Variants in MTO1 observed in about 807,000 individuals in gnomAD.
MTO1 encodes the protein mitochondrial tRNA translation optimization 1, also known as 5-taurinomethyluridine-[tRNA] synthase subunit MTO1, mitochondrial.
Under a neutral mutation model 71.6 loss-of-function variants are expected in MTO1, and 46 were observed. That is an observed-to-expected ratio of 0.64 (90% CI 0.51 to 0.82). The LOEUF is 0.82. Ranked by LOEUF, MTO1 falls within the 40% of genes least tolerant of loss-of-function variation. MTO1 has a pLI of 0.00. For missense variants in MTO1, 773 were observed against 867.5 expected, an observed-to-expected ratio of 0.89 and a Z score of 1.37; for synonymous variants, 297 against 312.1, an observed-to-expected ratio of 0.95 and a Z score of 0.51.
intron 9 of MTO1, among the ~76,000 whole-genome samples, chr6:73,488,135 G>C (rs949369078): frequency 6.6e-6 from 1 of 152,078 alleles, no homozygotes; most frequent in African/African-American, 2.4e-5. Flanking sequence ...CATTGGAGAA[G>C]TATCTATTCA....
At chr6:73,488,491 T>C (rs1771717110) in intron 9 of MTO1, among the ~76,000 whole-genome samples, 1 of 152,280 alleles carries the variant, frequency 6.6e-6, no homozygotes, top group South Asian at 2.1e-4. Flanking sequence ...TATTGTTGAA[T>C]TGTAGTTCTT....
Position 73,500,935 on chromosome 6 carries a change from CTTTCTT to C in MTO1, c.*202_*207del, listed in dbSNP as rs778251010. 4 of 402,736 alleles carry C rather than the reference CTTTCTT, an allele frequency of 9.9e-6. No individual in the cohort carries two copies. The highest frequency in any genetic ancestry group is 6.5e-4 in the Middle Eastern group (1 of 1,534). The allele number at this position is 402,736 out of a possible 1,614,324, so 24.9% of individuals were successfully genotyped here. A position where few individuals can be genotyped will look rare whatever the true frequency, so the allele number is the denominator to read the frequency against. On this transcript the variant is annotated 3_prime_UTR_variant, in exon 12 of 12. Coordinates refer to ENST00000498286, the MANE Select transcript of MTO1 (RefSeq NM_012123.4). ...AAACTAGTCGTAAACAATTTGTACT[CTTTCTT>C]TAAGGAGCTGTAATACAAATAACTT...
intron 3 of MTO1, among the ~76,000 whole-genome samples, chr6:73,468,508 T>A (rs924768651): frequency 2.0e-5 from 3 of 152,134 alleles, no homozygotes; most frequent in African/African-American, 7.2e-5. Context: ...TTTTGGTTGA[T>A]AGTATTTACA....
intron 4 of MTO1, among the ~76,000 whole-genome samples, chr6:73,477,138 A>G (rs1192973178): frequency 6.6e-6 from 1 of 151,190 alleles, no homozygotes; most frequent in African/African-American, 2.4e-5. Flanking sequence ...GCTCATGCCT[A>G]TAATCCTAGC....
rs372995487 is a variant in MTO1 at position 73,503,711 on chromosome 6, C to T, written c.*2976C>T. ...CAGGTATTTTTTCAATTCAATTCAACAGGAACACCAAAAAATAAGAAATGA... is the reference window on the plus strand; with the variant it reads ...CAGGTATTTTTTCAATTCAATTCAATAGGAACACCAAAAAATAAGAAATGA... On this transcript the variant is annotated 3_prime_UTR_variant, in exon 12 of 12. Transcript: ENST00000498286. 2 of 152,254 alleles carry T rather than the reference C, an allele frequency of 1.3e-5. No homozygotes were observed. The highest frequency in any genetic ancestry group is 4.8e-5 in the African/African-American group (2 of 41,548). The allele number at this position is 152,254 out of a possible 1,614,324, so 9.4% of individuals were successfully genotyped here. A position where few individuals can be genotyped will look rare whatever the true frequency, so the allele number is the denominator to read the frequency against.
At chr6:73,484,219 C>T (rs1279896655) in intron 9 of MTO1, among the ~76,000 whole-genome samples, 1 of 152,168 alleles carries the variant, frequency 6.6e-6, no homozygotes, top group Non-Finnish European at 1.5e-5. Context: ...AAATGACAGC[C>T]TTATTCACAA....
Position 73,466,311 on chromosome 6 carries a change from C to G in MTO1, c.320C>G (p.Ser107Cys). The G allele has an allele frequency of 6.2e-7, 1 of 1,614,078 alleles. No homozygotes were observed. Among genetic ancestry groups the G allele is most frequent in the Non-Finnish European group, 8.5e-7 (1 of 1,180,006 alleles). Residue 107 changes from serine (S) to cysteine (C), a missense_variant, in exon 2 of 12, where the codon TCT becomes TGT. Transcript: ENST00000498286. ...DGLCSRICDQ[S>C]GVHYKVLNRR... ...CTGTGTTCTCGCATCTGTGACCAGTCTGGTGTACATTATAAAGTATTAAAC... is the reference window on the plus strand; with the variant it reads ...CTGTGTTCTCGCATCTGTGACCAGTGTGGTGTACATTATAAAGTATTAAAC...
chr6:73,477,142 T>C (rs1249719891), intron 4 of MTO1, among the ~76,000 whole-genome samples: 2 of 149,874 alleles, frequency 1.3e-5, no homozygotes, highest in African/African-American at 2.4e-5. Context: ...ATGCCTATAA[T>C]CCTAGCACTT....
chr6:73,490,097 G>A (rs1277383780), intron 9 of MTO1, among the ~76,000 whole-genome samples: 1 of 152,182 alleles, frequency 6.6e-6, no homozygotes, highest in Non-Finnish European at 1.5e-5. Context: ...CTTTTGAGAA[G>A]TGTGTGTTCA....
chr6:73,478,573 C>G (rs1012777114), intron 4 of MTO1, among the ~76,000 whole-genome samples: 17 of 152,142 alleles, frequency 1.1e-4, no homozygotes, highest in Non-Finnish European at 2.1e-4. Flanking sequence ...CAGAGTCTTG[C>G]CCAGGCTAGA....
At chr6:73,473,331 G>A (rs1272909779) in intron 3 of MTO1, 34 bp from the exon 4 acceptor site, 10 of 1,558,080 alleles carry the variant, frequency 6.4e-6, no homozygotes, top group Non-Finnish European at 8.7e-6. Flanking sequence ...TAGATACATA[G>A]ATAATGACTT....
chr6:73,471,616 CTA>C (rs1771163926), intron 3 of MTO1: 1 of 298,066 alleles, frequency 3.4e-6, no homozygotes, highest in Middle Eastern at 1.3e-3. Flanking sequence ...GGGGGTCTCA[CTA>C]TGTTGCCAGG....
rs1246430240 is a variant in MTO1 at position 73,504,973 on chromosome 6, T to TAGGCC, written c.*4241_*4242insCCAGG. The TAGGCC allele has an allele frequency of 6.6e-6, 1 of 151,802 alleles. No homozygotes were observed. The highest frequency in any genetic ancestry group is 2.4e-5 in the African/African-American group (1 of 41,334). The allele number at this position is 151,802 out of a possible 1,614,324, so 9.4% of individuals were successfully genotyped here. The stretch of plus-strand genomic sequence containing the variant: ...CCAGCGCAAGCAGATCACTTGAGGA[T>TAGGCC]AGGAGTTTGAGACCAGCCTGACCAA... On this transcript the variant is annotated 3_prime_UTR_variant, in exon 12 of 12. Coordinates refer to ENST00000498286, the MANE Select transcript of MTO1 (RefSeq NM_012123.4).
At chr6:73,475,962 A>T (rs1466473675) in intron 4 of MTO1, among the ~76,000 whole-genome samples, 1 of 152,146 alleles carries the variant, frequency 6.6e-6, no homozygotes, top group Non-Finnish European at 1.5e-5. Context: ...TGCCCATTAC[A>T]CAATGCATTT....
chr6:73,468,306 A>G (rs1171085492), intron 3 of MTO1, among the ~76,000 whole-genome samples: 1 of 151,894 alleles, frequency 6.6e-6, no homozygotes, highest in Non-Finnish European at 1.5e-5. Context: ...TTTAGTAGAG[A>G]CAGGGTTTCA....
chr6:73,462,131 C>T lies in MTO1; in HGVS notation c.217+60C>T, dbSNP rs761647789. On this transcript the variant is annotated intron_variant, in intron 1 of 11. Coordinates refer to ENST00000498286, the MANE Select transcript of MTO1 (RefSeq NM_012123.4). ...GACGCAGGCTGCTTCCTTCCCGCCT[C>T]CCCCGGTCTGAAGCGGGGGACCTCT... 7 of 1,559,486 alleles carry T rather than the reference C, an allele frequency of 4.5e-6. No individual in the cohort carries two copies. In the South Asian group the frequency reaches 5.6e-5, roughly 12 times the overall value.
At position 73,507,639 on chromosome 6, in the gene MTO1, G is replaced by A. The variant is rs1232178354; in HGVS notation, c.*6904G>A. 2.0e-5 allele frequency: 3 copies of A among 152,182 alleles called. No homozygotes were observed. The highest frequency in any genetic ancestry group is 6.5e-5 in the Admixed American group (1 of 15,272). 9.4% of individuals were successfully genotyped at this position (152,182 alleles called of 1,614,324 possible). ...CAACACCTTTCTGCCACTTTCAGTG[G>A]ATTTTTCCCTCCTAGGGACCAGAGG... On this transcript the variant is annotated 3_prime_UTR_variant, in exon 12 of 12. Transcript: ENST00000498286.
chr6:73,487,777 C>T (rs1180959950), intron 9 of MTO1: 1 of 151,882 alleles, frequency 6.6e-6, no homozygotes, highest in Non-Finnish European at 1.5e-5. Flanking sequence ...GAGACCCAAT[C>T]AGCGTAGAGC....
intron 1 of MTO1, among the ~76,000 whole-genome samples, chr6:73,464,447 A>G (rs1770917475): frequency 1.3e-5 from 2 of 152,048 alleles, no homozygotes; most frequent in South Asian, 4.1e-4. Context: ...GCTCATAATC[A>G]CAGTGCTATC....
Sources: gnomAD v4.1 joint callset for allele counts (sites outside exome capture counted in the v4.1 genomes callset) on GRCh38, gnomAD v4.1.1 for gene constraint, MANE v1.5 for transcripts, NCBI Gene and HGNC (gene_info 2026-07-23, HGNC 2026-07-21) for gene names.